Variants in SIPA1L2 observed in about 807,000 individuals in gnomAD.
SIPA1L2 encodes signal induced proliferation associated 1 like 2.
In SIPA1L2, 56 loss-of-function variants were observed where a neutral mutation model predicts 163.9. The ratio of observed to expected loss-of-function variants is 0.34; its 90% CI spans 0.28 to 0.43. The LOEUF is 0.43. Ranked by LOEUF, SIPA1L2 falls within the 20% of genes least tolerant of loss-of-function variation. The probability of loss-of-function intolerance (pLI) is 1.00; values close to 1 mark genes in which losing one functional copy is unlikely to be tolerated. For synonymous variants in SIPA1L2, 877 were observed against 865.7 expected, an observed-to-expected ratio of 1.01 and a Z score of -0.23; for missense variants, 1,974 against 2,193.5, an observed-to-expected ratio of 0.90 and a Z score of 2.00.
At chr1:232,421,981 C>T (rs1328458519) in intron 18 of SIPA1L2, among the ~76,000 whole-genome samples, 1 of 152,164 alleles carries the variant, frequency 6.6e-6, no homozygotes, top group South Asian at 2.1e-4. Context: ...TGTGAGCCTG[C>T]CAATGCTTGG....
intron 11 of SIPA1L2, among the ~76,000 whole-genome samples, chr1:232,444,649 G>A (rs1450929735): frequency 6.6e-6 from 1 of 152,222 alleles, no homozygotes; most frequent in Non-Finnish European, 1.5e-5. Context: ...TAAGTGCCAG[G>A]CCCAGTTCCA....
At chr1:232,625,587 A>G (rs1282637169) in intron 1 of SIPA1L2, among the ~76,000 whole-genome samples, 1 of 152,160 alleles carries the variant, frequency 6.6e-6, no homozygotes, top group African/African-American at 2.4e-5. Flanking sequence ...GCAAACTTGG[A>G]CTACATCAGT....
chr1:232,580,049 G>A (rs1386661043), intron 1 of SIPA1L2, among the ~76,000 whole-genome samples: 1 of 152,190 alleles, frequency 6.6e-6, no homozygotes, highest in East Asian at 1.9e-4. Flanking sequence ...AGGAGCATGG[G>A]CTGCTCAACT....
At chr1:232,619,977 C>T (rs574613127) in intron 1 of SIPA1L2, among the ~76,000 whole-genome samples, 2 of 152,280 alleles carry the variant, frequency 1.3e-5, no homozygotes, top group Admixed American at 6.5e-5. Context: ...CTCCGCCTCC[C>T]GAGTTCAAGC....
At chr1:232,512,976 G>A (rs1222906004) in intron 3 of SIPA1L2, among the ~76,000 whole-genome samples, 2 of 152,244 alleles carry the variant, frequency 1.3e-5, no homozygotes, top group African/African-American at 4.8e-5. Flanking sequence ...GAGGGCTGAC[G>A]GGTGAAACTG....
At chr1:232,560,127 T>C (rs568023732) in intron 2 of SIPA1L2, among the ~76,000 whole-genome samples, 73 of 152,348 alleles carry the variant, frequency 4.8e-4, no homozygotes, top group Non-Finnish European at 8.5e-4. Context: ...CAGTCCTTTA[T>C]TGACAGTAAA....
At chr1:232,404,217 T>C (rs1180992526) in intron 19 of SIPA1L2, 39 bp from the exon 20 acceptor site, 1 of 1,596,892 alleles carries the variant, frequency 6.3e-7, no homozygotes, top group Admixed American at 1.7e-5. Flanking sequence ...AACAGGAGTA[T>C]CTCTCTATAC....
intron 1 of SIPA1L2, among the ~76,000 whole-genome samples, chr1:232,610,328 A>T (rs1434823956): frequency 6.6e-6 from 1 of 152,142 alleles, no homozygotes; most frequent in Non-Finnish European, 1.5e-5. Context: ...GGATGGGAAC[A>T]AGTCACTGGT....
intron 4 of SIPA1L2, 30 bp downstream of exon 4, chr1:232,493,497 C>T: frequency 1.2e-6 from 2 of 1,613,266 alleles, no homozygotes; most frequent in African/African-American, 1.3e-5. Flanking sequence ...TAGACTTTAG[C>T]CCAATAACTA....
chr1:232,475,904 C>A (rs945169943), intron 7 of SIPA1L2, among the ~76,000 whole-genome samples: 12 of 152,152 alleles, frequency 7.9e-5, no homozygotes, highest in South Asian at 2.1e-4. Flanking sequence ...GCAATACCAA[C>A]CCTCACTCTA....
intron 2 of SIPA1L2, among the ~76,000 whole-genome samples, chr1:232,541,712 T>C (rs1420135428): frequency 6.6e-6 from 1 of 152,118 alleles, no homozygotes; most frequent in Non-Finnish European, 1.5e-5. Flanking sequence ...AAAGAAAGAA[T>C]GAAAGAAGAA....
chr1:232,490,618 C>A, intron 5 of SIPA1L2: 1 of 377,276 alleles, frequency 2.7e-6, no homozygotes, highest in Non-Finnish European at 4.8e-6. Context: ...CAATCAGATG[C>A]ACTCTTGCAA....
At position 232,439,374 on chromosome 1, in the gene SIPA1L2, C is replaced by G. The variant is rs749409046; in HGVS notation, c.3765G>C (p.Leu1255=). Residue 1255 remains leucine, a synonymous_variant, in exon 15 of 23, where the codon CTG becomes CTC. Coordinates refer to ENST00000674635, the MANE Select transcript of SIPA1L2 (RefSeq NM_020808.5). ...GDLMDPELLG[L]TYIKGASTDS... ...CGGTGGAGGCCCCTTTGATGTAGGT[C>G]AGCCCCAGTAATTCGGGGTCCATCA... is the stretch of plus-strand genomic sequence containing the variant. 1.9e-6 allele frequency: 3 copies of G among 1,614,224 alleles called. No individual in the cohort carries two copies. Among genetic ancestry groups the G allele is most frequent in the Non-Finnish European group, 2.5e-6 (3 of 1,180,036 alleles).
intron 19 of SIPA1L2, among the ~76,000 whole-genome samples, chr1:232,410,309 T>C (rs1038719618): frequency 2.0e-5 from 3 of 152,112 alleles, no homozygotes; most frequent in African/African-American, 7.2e-5. Context: ...TTGGGACAAA[T>C]TGATATAGCT....
At chr1:232,490,836 A>G (rs369196537) in intron 5 of SIPA1L2, 38 bp downstream of exon 5, 14 of 1,545,208 alleles carry the variant, frequency 9.1e-6, no homozygotes, top group Non-Finnish European at 1.2e-5. Flanking sequence ...AACAGACACA[A>G]ATTCACACAC....
At chr1:232,431,804 C>A (rs937933584) in intron 16 of SIPA1L2, among the ~76,000 whole-genome samples, 3 of 152,332 alleles carry the variant, frequency 2.0e-5, no homozygotes, top group Middle Eastern at 6.8e-3. Flanking sequence ...ACCACGCCCC[C>A]CTCAACCTCA....
intron 2 of SIPA1L2, among the ~76,000 whole-genome samples, chr1:232,553,675 CT>C (rs1276772459): frequency 5.3e-5 from 8 of 152,194 alleles, no homozygotes; most frequent in African/African-American, 1.9e-4. Context: ...ACTCTTACCC[CT>C]GAGCGTCCAT....
intron 5 of SIPA1L2, 46 bp downstream of exon 5, chr1:232,490,828 C>A: frequency 1.3e-6 from 2 of 1,529,348 alleles, no homozygotes; most frequent in Non-Finnish European, 8.8e-7. Flanking sequence ...CTTTCAGAAA[C>A]AGACACAAAT....
intron 2 of SIPA1L2, among the ~76,000 whole-genome samples, chr1:232,531,833 A>G (rs1415730626): frequency 6.6e-6 from 1 of 152,176 alleles, no homozygotes; most frequent in Non-Finnish European, 1.5e-5. Context: ...CCTGAAGAAA[A>G]GGATGAGGAA....
Sources: allele counts gnomAD v4.1 joint callset (sites outside exome capture counted in the v4.1 genomes callset), GRCh38; gene constraint gnomAD v4.1.1; transcripts MANE v1.5; gene names NCBI Gene and HGNC (gene_info 2026-07-23, HGNC 2026-07-21).